GRK5: variants seen among roughly 807,000 people sequenced by gnomAD.
The protein encoded by GRK5 is g protein-coupled receptor kinase GRK5.
In GRK5, 40 loss-of-function variants were observed where a neutral mutation model predicts 78.4. The ratio of observed to expected loss-of-function variants is 0.51; its 90% CI spans 0.40 to 0.66. The LOEUF is 0.66. GRK5 is among the 30% of genes least tolerant of loss of function. The probability of loss-of-function intolerance (pLI) is 0.00; values close to 1 mark genes in which losing one functional copy is unlikely to be tolerated. For synonymous variants in GRK5, 289 were observed against 296.8 expected (o/e 0.97, Z 0.27); for missense variants, 598 against 759.9 (o/e 0.79, Z 2.50).
chr10:119,407,361 G>C (rs1207296771), intron 4 of GRK5, among the ~76,000 whole-genome samples: 1 of 152,204 alleles, frequency 6.6e-6, no homozygotes, highest in Non-Finnish European at 1.5e-5. Context: ...GGCCTCAAAA[G>C]GGATGCTTAC....
intron 1 of GRK5, among the ~76,000 whole-genome samples, chr10:119,242,957 G>A (rs1483674116): frequency 1.3e-5 from 2 of 152,014 alleles, no homozygotes; most frequent in Non-Finnish European, 2.9e-5. Context: ...CAGACTAATA[G>A]GCCAGGCGCA....
intron 1 of GRK5, among the ~76,000 whole-genome samples, chr10:119,215,505 C>T (rs879582316): frequency 1.1e-4 from 12 of 107,976 alleles, no homozygotes; most frequent in Non-Finnish European, 1.7e-4. Context: ...GAAGGGGGTG[C>T]GGAGAGTGAG....
chr10:119,446,798 C>G (rs893270830), intron 12 of GRK5, among the ~76,000 whole-genome samples: 1 of 151,238 alleles, frequency 6.6e-6, no homozygotes, highest in Non-Finnish European at 1.5e-5. Context: ...GGGGGGCAGC[C>G]CCCTCCAGAC....
At chr10:119,384,682 C>A (rs935222421) in intron 3 of GRK5, among the ~76,000 whole-genome samples, 1 of 148,428 alleles carries the variant, frequency 6.7e-6, no homozygotes, top group Non-Finnish European at 1.5e-5. Flanking sequence ...CAGTGCCACA[C>A]GTAACAGTTG....
chr10:119,449,410 A>G (rs929646076), intron 13 of GRK5, among the ~76,000 whole-genome samples: 3 of 152,202 alleles, frequency 2.0e-5, no homozygotes, highest in African/African-American at 4.8e-5. Flanking sequence ...ATCAGTGTCC[A>G]TGGCAACCAC....
chr10:119,266,349 C>T (rs1054797892), intron 1 of GRK5, among the ~76,000 whole-genome samples: 1 of 151,964 alleles, frequency 6.6e-6, no homozygotes, highest in East Asian at 1.9e-4. Flanking sequence ...CCCAGCTACT[C>T]GGGAGGCTGA....
At chr10:119,449,428 A>G (rs757001030) in intron 13 of GRK5, among the ~76,000 whole-genome samples, 1 of 151,932 alleles carries the variant, frequency 6.6e-6, no homozygotes, top group Non-Finnish European at 1.5e-5. Flanking sequence ...CACACCACAG[A>G]CCCCGTCTGG....
chr10:119,277,582 A>G (rs1313027664), intron 1 of GRK5, among the ~76,000 whole-genome samples: 1 of 152,224 alleles, frequency 6.6e-6, no homozygotes, highest in African/African-American at 2.4e-5. Context: ...TGTAATTGAC[A>G]GACAGTAAGC....
intron 2 of GRK5, among the ~76,000 whole-genome samples, chr10:119,338,978 T>C (rs138539810): frequency 2.2e-3 from 332 of 152,364 alleles, no homozygotes; most frequent in African/African-American, 7.5e-3. Context: ...TGGCTCAAAG[T>C]AAGAAAGTCC....
intron 4 of GRK5, among the ~76,000 whole-genome samples, chr10:119,401,044 G>A (rs184691916): frequency 6.6e-6 from 1 of 152,246 alleles, no homozygotes; most frequent in African/African-American, 2.4e-5. Flanking sequence ...CCAGCATGAC[G>A]CTGGACACAT....
intron 1 of GRK5, among the ~76,000 whole-genome samples, chr10:119,245,226 C>T (rs1398163449): frequency 6.6e-6 from 1 of 151,944 alleles, no homozygotes; most frequent in Non-Finnish European, 1.5e-5. Context: ...TGCAGTGAGC[C>T]AAGATCGCAC....
At chr10:119,346,715 A>C (rs974638480) in intron 2 of GRK5, among the ~76,000 whole-genome samples, 3 of 152,130 alleles carry the variant, frequency 2.0e-5, no homozygotes, top group Non-Finnish European at 4.4e-5. Flanking sequence ...TGGGCCTCCC[A>C]GGAAGACCAT....
intron 6 of GRK5, among the ~76,000 whole-genome samples, chr10:119,428,968 C>A (rs1224302285): frequency 6.6e-6 from 1 of 152,256 alleles, no homozygotes; most frequent in Admixed American, 6.5e-5. Flanking sequence ...CTCCATGCAT[C>A]GTAAACTGTT....
At chr10:119,332,363 T>C (rs961948893) in intron 2 of GRK5, among the ~76,000 whole-genome samples, 1 of 152,226 alleles carries the variant, frequency 6.6e-6, no homozygotes, top group African/African-American at 2.4e-5. Flanking sequence ...CTCCTCAGCC[T>C]CCTGAAATGC....
At chr10:119,439,531 A>G (rs993319751) in intron 9 of GRK5, among the ~76,000 whole-genome samples, 200 bp from the exon 10 acceptor site, 13 of 152,266 alleles carry the variant, frequency 8.5e-5, no homozygotes, top group Non-Finnish European at 2.9e-5. Flanking sequence ...GGCAAACGGC[A>G]GTGTTGCTTT....
intron 1 of GRK5, among the ~76,000 whole-genome samples, chr10:119,325,852 C>G (rs1850667294): frequency 6.6e-6 from 1 of 152,270 alleles, no homozygotes; most frequent in Admixed American, 6.5e-5. Flanking sequence ...GTGTTCATTA[C>G]TAGTGCACAT....
At position 119,412,765 on chromosome 10, in the gene GRK5, C is replaced by A. The variant is rs1036640509; in HGVS notation, c.340-10401C>A. 1.3e-5 allele frequency among the ~76,000 whole-genome samples: 2 copies of A among 152,202 alleles called. No individual in the cohort carries two copies. Among genetic ancestry groups the A allele is most frequent in the African/African-American group, 4.8e-5 (2 of 41,450 alleles). On this transcript the variant is annotated intron_variant, in intron 4 of 15. Coordinates refer to ENST00000392870, the MANE Select transcript of GRK5 (RefSeq NM_005308.3). The surrounding 1 kb of genome is among the most constrained non-coding windows in gnomAD (Gnocchi z 4.3). Reference sequence around the variant, plus strand: ...CTCTCTGCGCCTGCTGCTCAGCAAACCTTTTTCTCTGGTTGTGACCGTATG... The same window carrying A: ...CTCTCTGCGCCTGCTGCTCAGCAAAACTTTTTCTCTGGTTGTGACCGTATG...
At chr10:119,348,994 G>A (rs1049625506) in intron 2 of GRK5, among the ~76,000 whole-genome samples, 2 of 152,206 alleles carry the variant, frequency 1.3e-5, no homozygotes, top group East Asian at 1.9e-4. Context: ...TAAGATGTTG[G>A]CAAGAAATGA....
At position 119,442,154 on chromosome 10, in the gene GRK5, C is replaced by T. The variant is rs1332413496; in HGVS notation, c.1057+66C>T. On this transcript the variant is annotated intron_variant, in intron 11 of 15. Transcript: ENST00000392870. ...ACCACCTGCTCACCGCCGGCCGAGC[C>T]CCCAGAGCCTGCCCGCAGAGCCTCT... 9 of 1,311,374 alleles carry T rather than the reference C, an allele frequency of 6.9e-6. No individual in the cohort carries two copies. In the Admixed American group the frequency reaches 6.9e-5, roughly 10 times the overall value. The allele number at this position is 1,311,374 out of a possible 1,614,324, so 81.2% of individuals were successfully genotyped here. A position where few individuals can be genotyped will look rare whatever the true frequency, so the allele number is the denominator to read the frequency against.
Sources: allele counts gnomAD v4.1 joint callset (sites outside exome capture counted in the v4.1 genomes callset), GRCh38; gene constraint gnomAD v4.1.1; non-coding constraint Gnocchi (gnomAD v3.1); transcripts MANE v1.5; gene names NCBI Gene and HGNC (gene_info 2026-07-23, HGNC 2026-07-21).